Variants in BSDC1 observed in about 807,000 individuals in gnomAD.
The protein encoded by BSDC1 is BSD domain containing 1.
In BSDC1, 29 loss-of-function variants were observed where a neutral mutation model predicts 56.0. The observed-to-expected ratio is 0.52, with a 90% CI of 0.39 to 0.71. The LOEUF is 0.71. Ranked by LOEUF, BSDC1 falls within the 30% of genes least tolerant of loss-of-function variation. BSDC1 has a pLI of 0.00. For synonymous variants in BSDC1, 210 were observed against 215.3 expected, an observed-to-expected ratio of 0.98 and a Z score of 0.21; for missense variants, 477 against 548.5, an observed-to-expected ratio of 0.87 and a Z score of 1.30.
At chr1:32,392,514 T>C (rs1261550135) in intron 2 of BSDC1, among the ~76,000 whole-genome samples, 1 of 152,126 alleles carries the variant, frequency 6.6e-6, no homozygotes, top group Non-Finnish European at 1.5e-5. Flanking sequence ...TATCTATTTT[T>C]CATAAGTTAT....
At chr1:32,383,296 A>G (rs890763774) in intron 4 of BSDC1, among the ~76,000 whole-genome samples, 7 of 151,912 alleles carry the variant, frequency 4.6e-5, no homozygotes, top group Non-Finnish European at 1.0e-4. Context: ...AATTTTTTTA[A>G]ATTAGTTGGG....
chr1:32,382,449 G>C (rs1467374122), intron 4 of BSDC1, among the ~76,000 whole-genome samples: 2 of 151,278 alleles, frequency 1.3e-5, no homozygotes, highest in Non-Finnish European at 2.9e-5. Flanking sequence ...GGGGGACAGA[G>C]GGAGACCCTA....
chr1:32,368,660 A>G, intron 9 of BSDC1, 110 bp from the exon 10 acceptor site: 2 of 1,460,150 alleles, frequency 1.4e-6, no homozygotes, highest in Non-Finnish European at 9.2e-7. Flanking sequence ...CAAATACACA[A>G]GTCTTTACAT....
intron 9 of BSDC1, 111 bp downstream of exon 9, chr1:32,376,151 A>C: frequency 8.0e-7 from 1 of 1,256,746 alleles, no homozygotes; most frequent in Non-Finnish European, 1.0e-6. Context: ...CATTATCAGA[A>C]ACGAAAAAAA....
chr1:32,377,369 C>T (rs1032535181), intron 8 of BSDC1, among the ~76,000 whole-genome samples: 1 of 152,288 alleles, frequency 6.6e-6, no homozygotes, highest in Middle Eastern at 3.4e-3. Context: ...TATGATTGGG[C>T]AAGCCACCTA....
rs1435223617 is a variant in BSDC1 at position 32,365,726 on chromosome 1, G to GT, written c.*895dup. The GT allele has an allele frequency of 2.6e-5, 4 of 152,678 alleles. No homozygotes were observed. The highest frequency in any genetic ancestry group is 5.9e-5 in the Non-Finnish European group (4 of 68,064). The allele number at this position is 152,678 out of a possible 1,614,324, so 9.5% of individuals were successfully genotyped here. On this transcript the variant is annotated 3_prime_UTR_variant, in exon 11 of 11. Coordinates refer to ENST00000455895, the MANE Select transcript of BSDC1 (RefSeq NM_018045.8). The stretch of plus-strand genomic sequence containing the variant: ...CGGAGAAGCTAGGCTTACCAGAGTT[G>GT]TAAGTACTCGGCTTTGATCACCGCT...
intron 9 of BSDC1, among the ~76,000 whole-genome samples, chr1:32,372,407 G>A (rs560708045): frequency 6.6e-6 from 1 of 152,328 alleles, no homozygotes; most frequent in Non-Finnish European, 1.5e-5. Context: ...GCCCTCTAGG[G>A]ACTTGAAACT....
intron 9 of BSDC1, among the ~76,000 whole-genome samples, chr1:32,374,157 G>T (rs921170044): frequency 6.6e-6 from 1 of 152,200 alleles, no homozygotes; most frequent in African/African-American, 2.4e-5. Flanking sequence ...CAGGGCTTTT[G>T]TAAGGATTGA....
In BSDC1 at chr1:32,389,718, C is replaced by T. The variant is rs182260611; in HGVS notation, c.73-2823G>A. 4.0e-3 allele frequency among the ~76,000 whole-genome samples: 613 copies of T among 151,732 alleles called. 3 individuals are homozygous for T. Among genetic ancestry groups the T allele is most frequent in the African/African-American group, 0.014 (578 of 41,366 alleles). ...CTGTAATCCCAGCACTTTGGGAAGC[C>T]GAGGCAGGAGGATTGCTTGAGCCCA... is the stretch of plus-strand genomic sequence containing the variant. On this transcript the variant is annotated intron_variant, in intron 2 of 10. Transcript: ENST00000455895.
At chr1:32,379,657 C>G (rs553564740) in intron 5 of BSDC1, among the ~76,000 whole-genome samples, 1 of 152,194 alleles carries the variant, frequency 6.6e-6, no homozygotes, top group Non-Finnish European at 1.5e-5. Flanking sequence ...GTGGCACAAC[C>G]GTGGCTCACT....
At chr1:32,385,191 A>G (rs1642623163) in intron 3 of BSDC1, among the ~76,000 whole-genome samples, 1 of 152,200 alleles carries the variant, frequency 6.6e-6, no homozygotes, top group South Asian at 2.1e-4. Flanking sequence ...CTTTGCAGGG[A>G]TATCTTTGAC....
chr1:32,383,225 T>C (rs1197777197), intron 4 of BSDC1, among the ~76,000 whole-genome samples: 2 of 152,172 alleles, frequency 1.3e-5, no homozygotes, highest in African/African-American at 4.8e-5. Flanking sequence ...TGGGAGTCAC[T>C]TGAGCCTAGG....
chr1:32,370,773 C>T (rs899901892), intron 9 of BSDC1, among the ~76,000 whole-genome samples: 1 of 139,626 alleles, frequency 7.2e-6, no homozygotes, highest in African/African-American at 2.7e-5. Context: ...CATTGCACTC[C>T]AGCCTGGGTG....
intron 3 of BSDC1, 100 bp downstream of exon 3, chr1:32,386,679 C>T: frequency 1.4e-6 from 1 of 718,334 alleles, no homozygotes; most frequent in Non-Finnish European, 2.2e-6. Flanking sequence ...ATATTTTTCC[C>T]CATATGGAAA....
At chr1:32,368,660 A>AAATGTAAAGACTTGT in intron 9 of BSDC1, 110 bp from the exon 10 acceptor site, 1 of 1,460,144 alleles carries the variant, frequency 6.8e-7, no homozygotes, top group Non-Finnish European at 9.2e-7. Context: ...CAAATACACA[A>AAATGTAAAGACTTGT]GTCTTTACAT....
intron 5 of BSDC1, among the ~76,000 whole-genome samples, chr1:32,380,774 T>C (rs1642454303): frequency 6.6e-6 from 1 of 152,236 alleles, no homozygotes; most frequent in South Asian, 2.1e-4. Context: ...GCAGTCATGC[T>C]GCTCTCTAGT....
At chr1:32,367,053 A>G in intron 10 of BSDC1, 1 of 1,000,862 alleles carries the variant, frequency 1.0e-6, no homozygotes, top group Non-Finnish European at 1.2e-6. Flanking sequence ...CCTGGACACA[A>G]AAGACCAGTG....
At chr1:32,392,175 T>C (rs922677529) in intron 2 of BSDC1, among the ~76,000 whole-genome samples, 2 of 151,488 alleles carry the variant, frequency 1.3e-5, no homozygotes, top group African/African-American at 4.9e-5. Context: ...CTATTGAAAA[T>C]AGAAAAATTA....
At chr1:32,385,672 A>G (rs1642638427) in intron 3 of BSDC1, among the ~76,000 whole-genome samples, 1 of 152,040 alleles carries the variant, frequency 6.6e-6, no homozygotes, top group African/African-American at 2.4e-5. Context: ...GGTTGCAATG[A>G]GCTGAGATCA....
Sources: gnomAD v4.1 joint callset for allele counts (sites outside exome capture counted in the v4.1 genomes callset) on GRCh38, gnomAD v4.1.1 for gene constraint, MANE v1.5 for transcripts, NCBI Gene and HGNC (gene_info 2026-07-23, HGNC 2026-07-21) for gene names.